The following FRMD6 variants were observed in gnomAD, a reference collection of about 807,000 sequenced individuals.
The protein encoded by FRMD6 is FERM domain-containing protein 6.
A neutral mutation model predicts 73.2 loss-of-function variants in FRMD6; 37 were observed. The ratio of observed to expected loss-of-function variants is 0.51; its 90% CI spans 0.39 to 0.66. FRMD6 has a LOEUF of 0.66. Among genes scored for constraint, FRMD6 ranks in the 30% least tolerant of loss-of-function variants. FRMD6 has a pLI of 0.00. For missense variants in FRMD6, 714 were observed against 780.5 expected, an observed-to-expected ratio of 0.91 and a Z score of 1.02; for synonymous variants, 273 against 282.2, an observed-to-expected ratio of 0.97 and a Z score of 0.33.
chr14:51,423,340 T>A, the FRMD6 span, among the ~76,000 whole-genome samples: 1 of 152,222 alleles, frequency 6.6e-6, no homozygotes, highest in Admixed American at 6.5e-5. Context: ...GTCTGAAGGA[T>A]CCACGCACTG....
chr14:51,517,349 G>A (rs549400418), intron 1 of FRMD6, among the ~76,000 whole-genome samples: 1 of 152,302 alleles, frequency 6.6e-6, no homozygotes, highest in African/African-American at 2.4e-5. Flanking sequence ...AGACCAGCTG[G>A]AATCAAGGCT....
Position 51,654,305 on chromosome 14 carries a change from T to TGGC in FRMD6, c.-147+2311_-147+2312insCGG, listed in dbSNP as rs71443187. ...TGTTACTGAACTAGGTTAGCTGAAT[T>TGGC]GGGGGGGGGGTCTTTTTGTAGTTTT... On this transcript the variant is annotated intron_variant, in intron 1 of 13. Transcript: ENST00000344768. Among the ~76,000 whole-genome samples the TGGC allele has an allele frequency of 2.9e-3, 351 of 122,036 alleles. 4 individuals carry two copies. The highest frequency in any genetic ancestry group is 9.4e-3 in the African/African-American group (307 of 32,610). 80.1% of individuals were successfully genotyped at this position (122,036 alleles called of 152,430 possible). A position where few individuals can be genotyped will look rare whatever the true frequency, so the allele number is the denominator to read the frequency against.
chr14:51,486,936 GT>G (rs5808614), upstream of FRMD6, among the ~76,000 whole-genome samples: 78,613 of 146,298 alleles, frequency 0.54, 20,702 homozygotes, highest in East Asian at 0.71. Context: ...GTATAAAACC[GT>G]TTTTTTTTTT....
Position 51,505,044 on chromosome 14 carries a change from G to T in FRMD6, c.-210+15624G>T, listed in dbSNP as rs544475081. Among the ~76,000 whole-genome samples the T allele has an allele frequency of 1.2e-4, 18 of 152,218 alleles. No homozygotes were observed. The South Asian group carries it at 2.3e-3, about 19-fold the overall frequency. On this transcript the variant is annotated intron_variant, in intron 1 of 14. Coordinates refer to the FRMD6 transcript ENST00000356218. The stretch of plus-strand genomic sequence containing the variant: ...ATCTTAGGCCTCACTGTCCAGTTAG[G>T]AATTGTTCCTTGGGTGGCTTACACA...
At chr14:51,642,261 C>T (rs533089273) in intron 2 of FRMD6, among the ~76,000 whole-genome samples, 1 of 152,268 alleles carries the variant, frequency 6.6e-6, no homozygotes, top group Admixed American at 6.5e-5. Flanking sequence ...GGCCAGAGGC[C>T]GGGCATGGTG....
At chr14:51,420,088 T>C in the FRMD6 span, among the ~76,000 whole-genome samples, 2 of 152,196 alleles carry the variant, frequency 1.3e-5, no homozygotes, top group African/African-American at 4.8e-5. Context: ...GCACATTCAC[T>C]TCCCAGGCAT....
chr14:51,397,587 G>T, the FRMD6 span, among the ~76,000 whole-genome samples: 1 of 152,200 alleles, frequency 6.6e-6, no homozygotes, highest in South Asian at 2.1e-4. Context: ...GGGCATAAGT[G>T]TGTTGTACTT....
chr14:51,714,177 A>G (rs1897111315), intron 9 of FRMD6: 1 of 152,210 alleles, frequency 6.6e-6, no homozygotes, highest in Non-Finnish European at 1.5e-5. Flanking sequence ...TAAAATGTAG[A>G]TAATTAACTC....
chr14:51,402,679 C>A, the FRMD6 span, among the ~76,000 whole-genome samples: 48 of 150,456 alleles, frequency 3.2e-4, no homozygotes, highest in Admixed American at 1.9e-3. Flanking sequence ...CACTCTGTCA[C>A]CCAGGCTGGA....
the FRMD6 span, among the ~76,000 whole-genome samples, chr14:51,439,481 C>T: frequency 4.5e-3 from 679 of 152,274 alleles, 5 homozygotes; most frequent in African/African-American, 0.016. Context: ...TATTCTGAGC[C>T]TTTTCTTTCT....
intron 1 of FRMD6, among the ~76,000 whole-genome samples, chr14:51,676,129 C>G (rs1462867037): frequency 6.6e-6 from 1 of 151,924 alleles, no homozygotes; most frequent in East Asian, 1.9e-4. Flanking sequence ...GAAGAAAAAT[C>G]CCATTAAGGA....
chr14:51,636,788 G>A (rs1891586165), intron 2 of FRMD6, among the ~76,000 whole-genome samples: 1 of 152,178 alleles, frequency 6.6e-6, no homozygotes, highest in Non-Finnish European at 1.5e-5. Context: ...TAAGCACTGT[G>A]AGAGGGGTGA....
At chr14:51,542,053 A>G (rs945180216) in intron 1 of FRMD6, among the ~76,000 whole-genome samples, 2 of 151,942 alleles carry the variant, frequency 1.3e-5, no homozygotes, top group African/African-American at 4.8e-5. Context: ...ACTTATTAAA[A>G]CTACACGCTC....
intron 2 of FRMD6, among the ~76,000 whole-genome samples, chr14:51,625,024 G>T (rs1012562515): frequency 6.6e-6 from 1 of 152,186 alleles, no homozygotes; most frequent in Non-Finnish European, 1.5e-5. Context: ...AACCATACTT[G>T]AAGACTGCAC....
the FRMD6 span, among the ~76,000 whole-genome samples, chr14:51,435,307 G>A: frequency 6.6e-6 from 1 of 151,924 alleles, no homozygotes; most frequent in Admixed American, 6.6e-5. Context: ...TGGGCATAGT[G>A]GCTCATGCCT....
intron 1 of FRMD6, among the ~76,000 whole-genome samples, chr14:51,493,011 G>A (rs528128402): frequency 2.6e-5 from 4 of 152,262 alleles, no homozygotes; most frequent in Admixed American, 2.0e-4. Context: ...CTGGGATATA[G>A]GTACATGACA....
At chr14:51,508,493 TCCTGGAGCCTTGAGGAGA>T (rs1205509038) in intron 1 of FRMD6, among the ~76,000 whole-genome samples, 5 of 152,206 alleles carry the variant, frequency 3.3e-5, no homozygotes, top group Non-Finnish European at 7.3e-5. Flanking sequence ...CCCCTGCTTG[TCCTGGAGCCTTGAGGAGA>T]CAAGAGCAAG....
intron 4 of FRMD6, among the ~76,000 whole-genome samples, chr14:51,701,566 TATA>T (rs1896316157): frequency 6.8e-6 from 1 of 146,586 alleles, no homozygotes; most frequent in Admixed American, 6.9e-5. Flanking sequence ...TAGTAGAAAA[TATA>T]GTATAGTATA....
chr14:51,581,828 C>T (rs544517239), intron 2 of FRMD6, among the ~76,000 whole-genome samples: 1 of 152,148 alleles, frequency 6.6e-6, no homozygotes, highest in Non-Finnish European at 1.5e-5. Flanking sequence ...TTTCCCTACC[C>T]GCATTAAATG....
Sources: allele counts gnomAD v4.1 joint callset (sites outside exome capture counted in the v4.1 genomes callset), GRCh38; gene constraint gnomAD v4.1.1; transcripts MANE v1.5; gene names NCBI Gene and HGNC (gene_info 2026-07-23, HGNC 2026-07-21).